Variants in NEK6 observed in about 807,000 individuals in gnomAD.
NEK6 encodes NIMA related kinase 6.
NEK6 carries 27 observed loss-of-function variants against 43.5 expected under a neutral mutation model. That is an observed-to-expected ratio of 0.62 (90% CI 0.46 to 0.86). The LOEUF (loss-of-function observed/expected upper bound fraction) is 0.86, where lower values mean the gene tolerates loss of function less well. Ranked by LOEUF, NEK6 falls within the 40% of genes least tolerant of loss-of-function variation. NEK6 has a pLI of 0.00. For missense variants in NEK6, 318 were observed against 414.4 expected (o/e 0.77, Z 2.02); for synonymous variants, 167 against 164.1 (o/e 1.02, Z -0.14).
intron 4 of NEK6, among the ~76,000 whole-genome samples, chr9:124,320,581 G>A (rs1228384079): frequency 6.6e-6 from 1 of 152,178 alleles, no homozygotes; most frequent in Admixed American, 6.5e-5. Flanking sequence ...CCCAGATCCT[G>A]GAGTCTCTTT....
At chr9:124,323,990 C>G (rs1168425904) in intron 5 of NEK6, among the ~76,000 whole-genome samples, 1 of 152,110 alleles carries the variant, frequency 6.6e-6, no homozygotes, top group Admixed American at 6.5e-5. Flanking sequence ...TCGGGTCCTT[C>G]CTCCTCACCT....
At chr9:124,337,498 A>G (rs1196953492) in intron 7 of NEK6, among the ~76,000 whole-genome samples, 1 of 152,240 alleles carries the variant, frequency 6.6e-6, no homozygotes, top group African/African-American at 2.4e-5. Context: ...TGAATTTCAC[A>G]TAAATGAAAT....
At chr9:124,303,525 G>T (rs1357404235) in intron 2 of NEK6, among the ~76,000 whole-genome samples, 1 of 152,224 alleles carries the variant, frequency 6.6e-6, no homozygotes, top group Non-Finnish European at 1.5e-5. Context: ...CAAGGAGGGC[G>T]GTGATGCTGC....
chr9:124,263,330 G>A (rs1466162543), intron 1 of NEK6, among the ~76,000 whole-genome samples: 3 of 152,218 alleles, frequency 2.0e-5, no homozygotes, highest in African/African-American at 4.8e-5. Context: ...CTCAGAGGGA[G>A]CAAGGCGCTC....
At chr9:124,333,968 G>A (rs1564655660) in intron 7 of NEK6, among the ~76,000 whole-genome samples, 1 of 152,040 alleles carries the variant, frequency 6.6e-6, no homozygotes, top group Non-Finnish European at 1.5e-5. Context: ...TAGTAGAGAT[G>A]GGGTTTCACC....
chr9:124,283,952 C>T (rs1336743113), intron 1 of NEK6, among the ~76,000 whole-genome samples: 3 of 152,240 alleles, frequency 2.0e-5, no homozygotes, highest in Non-Finnish European at 2.9e-5. Context: ...GCCTGGCACA[C>T]GCTTGGTGCC....
chr9:124,319,237 G>A (rs1249464583), intron 4 of NEK6, among the ~76,000 whole-genome samples: 1 of 151,896 alleles, frequency 6.6e-6, no homozygotes, highest in Non-Finnish European at 1.5e-5. Flanking sequence ...GCCCACCTCA[G>A]CCTCCCAAAG....
chr9:124,281,349 G>A (rs1052480817), intron 1 of NEK6, among the ~76,000 whole-genome samples: 1 of 152,222 alleles, frequency 6.6e-6, no homozygotes, highest in Non-Finnish European at 1.5e-5. Context: ...ACCTAGCACA[G>A]TGGCCTGAGT....
Position 124,350,978 on chromosome 9 carries a change from G to T in NEK6, c.*31G>T. On this transcript the variant is annotated 3_prime_UTR_variant, in exon 10 of 10. Coordinates refer to ENST00000320246, the MANE Select transcript of NEK6 (RefSeq NM_014397.6). Reference sequence around the variant, plus strand: ...GATGCACCGTGCCTTATCAAAGCCAGCACCACTTTGCCTTACTTGAGTCGT... The same window carrying T: ...GATGCACCGTGCCTTATCAAAGCCATCACCACTTTGCCTTACTTGAGTCGT... The T allele has an allele frequency of 6.6e-7, 1 of 1,506,308 alleles. No homozygotes were observed. The highest frequency in any genetic ancestry group is 9.2e-7 in the Non-Finnish European group (1 of 1,091,944). The allele number at this position is 1,506,308 out of a possible 1,614,324, so 93.3% of individuals were successfully genotyped here.
chr9:124,343,528 A>AC lies in NEK6; in HGVS notation c.717+3868dup, dbSNP rs1171774701. Reference sequence around the variant, plus strand: ...CGGGGCAGGGGCTCTGTGCCAAGTGACCCCCTCCCCACTCCTGCAGTCCCT... The same window carrying AC: ...CGGGGCAGGGGCTCTGTGCCAAGTGACCCCCCTCCCCACTCCTGCAGTCCCT... On this transcript the variant is annotated intron_variant, in intron 8 of 9. Transcript: ENST00000320246. The surrounding 1 kb of genome is among the most constrained non-coding windows in gnomAD (Gnocchi z 5.1). 6.6e-6 allele frequency among the ~76,000 whole-genome samples: 1 copy of AC among 150,890 alleles called. No individual in the cohort carries two copies. The highest frequency in any genetic ancestry group is 2.0e-4 in the East Asian group (1 of 5,076).
chr9:124,284,943 GGT>G (rs1832086958), intron 1 of NEK6, among the ~76,000 whole-genome samples: 1 of 152,218 alleles, frequency 6.6e-6, no homozygotes, highest in Non-Finnish European at 1.5e-5. Context: ...CACCTCATGG[GGT>G]GAGCCAGTGG....
At chr9:124,339,089 C>A (rs543882423) in intron 7 of NEK6, among the ~76,000 whole-genome samples, 1 of 141,182 alleles carries the variant, frequency 7.1e-6, no homozygotes, top group African/African-American at 2.7e-5. Flanking sequence ...AGTGCAGTGG[C>A]GCAATCTTGG....
At chr9:124,329,011 AT>A (rs1280387823) in intron 7 of NEK6, among the ~76,000 whole-genome samples, 1 of 151,896 alleles carries the variant, frequency 6.6e-6, no homozygotes. Context: ...CGCTCGAGAG[AT>A]TTTTCCGAGG....
intron 1 of NEK6, chr9:124,261,655 C>G: frequency 2.3e-6 from 2 of 884,352 alleles, no homozygotes; most frequent in Non-Finnish European, 2.7e-6. Flanking sequence ...ATTTCGATCA[C>G]GGCTTCTACT....
intron 1 of NEK6, among the ~76,000 whole-genome samples, chr9:124,262,645 G>A (rs1434155314): frequency 1.3e-5 from 2 of 152,250 alleles, no homozygotes; most frequent in Non-Finnish European, 2.9e-5. Flanking sequence ...AGCTGTGGCT[G>A]GGCGAGTGGG....
upstream of NEK6, chr9:124,257,908 G>T: frequency 1.0e-6 from 1 of 954,816 alleles, no homozygotes; most frequent in South Asian, 4.8e-5. Flanking sequence ...GCGGCCCCGC[G>T]GCGGGGAGGG....
chr9:124,346,406 G>A (rs1296902642), intron 8 of NEK6, among the ~76,000 whole-genome samples: 1 of 152,290 alleles, frequency 6.6e-6, no homozygotes, highest in East Asian at 1.9e-4. Context: ...TCCCCGCTCA[G>A]CCTCTGGGGC....
rs1052213313 is a variant in NEK6 at position 124,326,901 on chromosome 9, C to T, written c.515-437C>T. Among the ~76,000 whole-genome samples, 28 of 152,182 alleles carry T rather than the reference C, an allele frequency of 1.8e-4. No homozygotes were observed. The highest frequency in any genetic ancestry group is 6.8e-4 in the African/African-American group (28 of 41,448). On this transcript the variant is annotated intron_variant, in intron 6 of 9. Coordinates refer to ENST00000320246, the MANE Select transcript of NEK6 (RefSeq NM_014397.6). This position sits in a 1 kb window ranked among gnomAD's most constrained non-coding sequence, Gnocchi z 4.5. Reference sequence around the variant, plus strand: ...TGCTTCATGGACACCTCCGTTCCTTCACTCTACCTGTATCTCTTGGTGTCT... The same window carrying T: ...TGCTTCATGGACACCTCCGTTCCTTTACTCTACCTGTATCTCTTGGTGTCT...
At position 124,314,088 on chromosome 9, in the gene NEK6, C is replaced by T. The variant is rs1283556064; in HGVS notation, c.294+103C>T. ...TCACAGCCCTTGGGTGCCAGGAATCCGCAGCCCCTGCTAAGTTAACAGACG... is the reference window on the plus strand; with the variant it reads ...TCACAGCCCTTGGGTGCCAGGAATCTGCAGCCCCTGCTAAGTTAACAGACG... On this transcript the variant is annotated intron_variant, in intron 4 of 9. Transcript: ENST00000320246. 1.2e-5 allele frequency: 12 copies of T among 1,002,690 alleles called. No homozygotes were observed. The Admixed American group carries it at 1.3e-4, about 11-fold the overall frequency. 62.1% of individuals were successfully genotyped at this position (1,002,690 alleles called of 1,614,324 possible).
Sources: gnomAD v4.1 joint callset for allele counts (sites outside exome capture counted in the v4.1 genomes callset) on GRCh38, gnomAD v4.1.1 for gene constraint, Gnocchi (gnomAD v3.1) non-coding constraint, MANE v1.5 for transcripts, NCBI Gene and HGNC (gene_info 2026-07-23, HGNC 2026-07-21) for gene names.